UMAD1: variants seen among roughly 807,000 people sequenced by gnomAD.
UMAD1 encodes the protein UBAP1-MVB12-associated (UMA)-domain containing protein 1.
UMAD1 carries 8 observed loss-of-function variants against 6.1 expected under a neutral mutation model. That is an observed-to-expected ratio of 1.30 (90% CI 0.76 to 2.35). The LOEUF (loss-of-function observed/expected upper bound fraction) is 2.35. Among genes scored for constraint, UMAD1 ranks in the 30% most tolerant of loss-of-function variants. The pLI is 0.00. For synonymous variants in UMAD1, 56 were observed against 31.4 expected (o/e 1.78, Z -2.61); for missense variants, 130 against 78.4 (o/e 1.66, Z -2.49).
At chr7:7,839,131 T>C (rs1001303154) in intron 3 of UMAD1, among the ~76,000 whole-genome samples, 2 of 152,186 alleles carry the variant, frequency 1.3e-5, no homozygotes, top group African/African-American at 4.8e-5. Context: ...CATATTATAG[T>C]ATCTCGTCAT....
chr7:7,831,406 A>C (rs984074957), intron 3 of UMAD1, among the ~76,000 whole-genome samples: 2 of 152,232 alleles, frequency 1.3e-5, no homozygotes, highest in African/African-American at 4.8e-5. Flanking sequence ...GGAACAAAGA[A>C]GTTCTATTTG....
At chr7:7,735,413 C>CTTT (rs71014707) in intron 2 of UMAD1, among the ~76,000 whole-genome samples, 16 of 145,862 alleles carry the variant, frequency 1.1e-4, no homozygotes, top group South Asian at 2.2e-4. Context: ...ACATCCTCAC[C>CTTT]TTTTTTTTTT....
At chr7:7,829,522 T>C (rs1783419268) in intron 3 of UMAD1, among the ~76,000 whole-genome samples, 1 of 137,326 alleles carries the variant, frequency 7.3e-6, no homozygotes, top group South Asian at 2.4e-4. Context: ...TAAATATAAA[T>C]GGACAAAAAA....
rs564068281 is a variant in UMAD1 at position 7,852,395 on chromosome 7, A to AGATCCCACAGATTGTGGGCTC, written c.157-24885_157-24865dup. 5.4e-4 allele frequency among the ~76,000 whole-genome samples: 82 copies of AGATCCCACAGATTGTGGGCTC among 152,260 alleles called. No homozygotes were observed. The East Asian group carries it at 0.014, about 26-fold the overall frequency. On this transcript the variant is annotated intron_variant, in intron 3 of 3. Coordinates refer to ENST00000682710, the MANE Select transcript of UMAD1 (RefSeq NM_001302348.2). ...ACTTCATCTTTTTCGAGATAGTGTCAGATCCCACAGATTGTGGGCTCAATC... is the reference window on the plus strand; with the variant it reads ...ACTTCATCTTTTTCGAGATAGTGTCAGATCCCACAGATTGTGGGCTCGATCCCACAGATTGTGGGCTCAATC...
At chr7:7,677,392 T>G (rs1440714999) in intron 2 of UMAD1, among the ~76,000 whole-genome samples, 1 of 152,136 alleles carries the variant, frequency 6.6e-6, no homozygotes, top group Non-Finnish European at 1.5e-5. Context: ...CCCCATTTTA[T>G]TTCCCTCTTT....
At chr7:7,643,390 C>G (rs1785018987) in intron 1 of UMAD1, among the ~76,000 whole-genome samples, 1 of 152,204 alleles carries the variant, frequency 6.6e-6, no homozygotes, top group South Asian at 2.1e-4. Context: ...AGGAAAGAAT[C>G]ATGGGAAATA....
At chr7:7,834,908 G>A (rs998594939) in intron 3 of UMAD1, among the ~76,000 whole-genome samples, 4 of 152,072 alleles carry the variant, frequency 2.6e-5, no homozygotes, top group Non-Finnish European at 4.4e-5. Context: ...GAAGGCGAAG[G>A]GGAAGTAAGG....
intron 3 of UMAD1, among the ~76,000 whole-genome samples, chr7:7,841,593 C>G (rs1783683045): frequency 6.6e-6 from 1 of 152,090 alleles, no homozygotes; most frequent in African/African-American, 2.4e-5. Flanking sequence ...TGTGAACCAC[C>G]ACACCTGGCT....
chr7:7,878,030 T>C lies in UMAD1; in HGVS notation c.*492T>C, dbSNP rs1784457610. ...TGCCAGTTAGCTTAATTTCTTCAGA[T>C]GCATTGATGTGGAAATTTAAAACTT... On this transcript the variant is annotated 3_prime_UTR_variant, in exon 4 of 4. Transcript: ENST00000682710. 1 of 157,936 alleles carries C rather than the reference T, an allele frequency of 6.3e-6. No individual in the cohort carries two copies. Among genetic ancestry groups the C allele is most frequent in the African/African-American group, 2.4e-5 (1 of 41,500 alleles). 9.8% of individuals were successfully genotyped at this position (157,936 alleles called of 1,614,324 possible). A position where few individuals can be genotyped will look rare whatever the true frequency, so the allele number is the denominator to read the frequency against.
chr7:7,839,473 C>CA (rs1217799849), intron 3 of UMAD1, among the ~76,000 whole-genome samples: 1 of 152,212 alleles, frequency 6.6e-6, no homozygotes, highest in Non-Finnish European at 1.5e-5. Context: ...CCTCGGCCAC[C>CA]AAACCCGGCC....
At chr7:7,648,165 C>T (rs929515285) in intron 1 of UMAD1, among the ~76,000 whole-genome samples, 11 of 152,282 alleles carry the variant, frequency 7.2e-5, no homozygotes, top group African/African-American at 2.2e-4. Context: ...GAAGTCATTT[C>T]GTTCTAAATC....
At chr7:7,821,772 C>G (rs376289731) in intron 3 of UMAD1, among the ~76,000 whole-genome samples, 3 of 152,126 alleles carry the variant, frequency 2.0e-5, no homozygotes, top group African/African-American at 4.8e-5. Context: ...CCTACTGTTT[C>G]TCTCCTTTCT....
chr7:7,862,951 C>G (rs887812584), intron 3 of UMAD1, among the ~76,000 whole-genome samples: 1 of 151,996 alleles, frequency 6.6e-6, no homozygotes, highest in African/African-American at 2.4e-5. Context: ...TCTAGGTAAA[C>G]TTCAGTAAAA....
At chr7:7,664,049 T>C (rs1779368949) in intron 1 of UMAD1, among the ~76,000 whole-genome samples, 1 of 152,208 alleles carries the variant, frequency 6.6e-6, no homozygotes, top group Non-Finnish European at 1.5e-5. Context: ...TTTTAGAGGA[T>C]TTCTACCATC....
chr7:7,715,837 A>G (rs1397950591), intron 2 of UMAD1, among the ~76,000 whole-genome samples: 1 of 152,230 alleles, frequency 6.6e-6, no homozygotes, highest in Non-Finnish European at 1.5e-5. Context: ...ATAGAATAGC[A>G]TCAAACATTT....
chr7:7,761,849 C>G (rs1781895832), intron 2 of UMAD1, among the ~76,000 whole-genome samples: 1 of 152,186 alleles, frequency 6.6e-6, no homozygotes, highest in East Asian at 1.9e-4. Flanking sequence ...CCATACACCC[C>G]TCTCTTCTGT....
At chr7:7,862,759 A>T (rs768068486) in intron 3 of UMAD1, among the ~76,000 whole-genome samples, 1 of 152,166 alleles carries the variant, frequency 6.6e-6, no homozygotes, top group Non-Finnish European at 1.5e-5. Context: ...TTGGACCTTC[A>T]CTTTCCAATC....
intron 2 of UMAD1, among the ~76,000 whole-genome samples, chr7:7,708,310 ATGT>A (rs1780657289): frequency 6.6e-6 from 1 of 152,166 alleles, no homozygotes; most frequent in South Asian, 2.1e-4. Context: ...TTACTAGTTA[ATGT>A]TGAATAAGCT....
Position 7,748,103 on chromosome 7 carries a change from A to ATTTTTT in UMAD1, c.83-53558_83-53553dup, listed in dbSNP as rs35368211. ...AGGGGCCTGCCACCACGCCCAGCTA[A>ATTTTTT]TTTTTTTTTTTTTTGTATTTTCAGT... is the stretch of plus-strand genomic sequence containing the variant. On this transcript the variant is annotated intron_variant, in intron 2 of 3. Coordinates refer to ENST00000682710, the MANE Select transcript of UMAD1 (RefSeq NM_001302348.2). 1.5e-3 allele frequency among the ~76,000 whole-genome samples: 204 copies of ATTTTTT among 140,164 alleles called. 3 individuals carry two copies. Among genetic ancestry groups the ATTTTTT allele is most frequent in the African/African-American group, 5.1e-3 (184 of 35,916 alleles). 92.0% of individuals were successfully genotyped at this position (140,164 alleles called of 152,430 possible). A position where few individuals can be genotyped will look rare whatever the true frequency, so the allele number is the denominator to read the frequency against.
Sources: allele counts gnomAD v4.1 joint callset (sites outside exome capture counted in the v4.1 genomes callset), GRCh38; gene constraint gnomAD v4.1.1; transcripts MANE v1.5; gene names NCBI Gene and HGNC (gene_info 2026-07-23, HGNC 2026-07-21).